Variants in LIMCH1 observed in about 807,000 individuals in gnomAD.
The protein encoded by LIMCH1 is LIM and calponin homology domains 1, also known as LIM and calponin homology domains-containing protein 1.
LIMCH1 carries 113 observed loss-of-function variants against 176.5 expected under a neutral mutation model. The observed-to-expected ratio is 0.64, with a 90% confidence interval of 0.55 to 0.75. The LOEUF is 0.75. LIMCH1 is among the 30% of genes least tolerant of loss of function. The probability of loss-of-function intolerance (pLI) is 0.00; values close to 1 mark genes in which losing one functional copy is unlikely to be tolerated. For synonymous variants in LIMCH1, 619 were observed against 645.9 expected, an observed-to-expected ratio of 0.96 and a Z score of 0.63; for missense variants, 1,674 against 1,814.9, an observed-to-expected ratio of 0.92 and a Z score of 1.41.
chr4:41,680,920 T>C (rs2153044630), intron 24 of LIMCH1, 35 bp from the exon 25 acceptor site: 2 of 1,151,814 alleles, frequency 1.7e-6, no homozygotes, highest in East Asian at 2.4e-5. Flanking sequence ...ATTTTTATTT[T>C]CCCCCCTTTC....
At chr4:41,671,884 C>CAAAAA (rs34994833) in intron 22 of LIMCH1, among the ~76,000 whole-genome samples, 6 of 52,322 alleles carry the variant, frequency 1.1e-4, no homozygotes, top group African/African-American at 2.3e-4. Flanking sequence ...GACTTCGTCT[C>CAAAAA]AAAAAAAAAA....
intron 21 of LIMCH1, chr4:41,671,005 A>G: frequency 1.0e-6 from 1 of 978,266 alleles, no homozygotes; most frequent in Non-Finnish European, 1.2e-6. Flanking sequence ...TGTTGATTTC[A>G]AGAATTCAAA....
chr4:41,568,360 A>T (rs570655142), intron 1 of LIMCH1, among the ~76,000 whole-genome samples: 1 of 152,358 alleles, frequency 6.6e-6, no homozygotes, highest in South Asian at 2.1e-4. Flanking sequence ...GTCCAGCTTC[A>T]GGAGAGCCAA....
intron 17 of LIMCH1, 62 bp downstream of exon 17, chr4:41,646,955 C>A: frequency 7.2e-7 from 1 of 1,387,118 alleles, no homozygotes; most frequent in Non-Finnish European, 9.9e-7. Flanking sequence ...TGGAAAGAAG[C>A]ATCATGACTC....
At chr4:41,462,221 G>C (rs2065475261) in intron 1 of LIMCH1, among the ~76,000 whole-genome samples, 1 of 152,126 alleles carries the variant, frequency 6.6e-6, no homozygotes, top group Admixed American at 6.5e-5. Flanking sequence ...TCTGTGTATT[G>C]GTCCTAGAAT....
chr4:41,577,813 C>G (rs949884469), intron 1 of LIMCH1, among the ~76,000 whole-genome samples: 3 of 152,112 alleles, frequency 2.0e-5, no homozygotes, highest in Non-Finnish European at 2.9e-5. Context: ...TATTTTAATG[C>G]CTAACATAAG....
intron 2 of LIMCH1, among the ~76,000 whole-genome samples, chr4:41,515,173 A>T (rs2075419963): frequency 6.6e-6 from 1 of 152,220 alleles, no homozygotes; most frequent in Non-Finnish European, 1.5e-5. Context: ...AAAGAGTTAA[A>T]GCCCAATTTT....
intron 1 of LIMCH1, among the ~76,000 whole-genome samples, chr4:41,377,940 C>T (rs571446325): frequency 5.3e-5 from 8 of 152,210 alleles, no homozygotes; most frequent in Non-Finnish European, 1.0e-4. Context: ...CCCAAAGGTT[C>T]TATTTTTCAA....
At chr4:41,462,812 T>C (rs1169597195) in intron 1 of LIMCH1, among the ~76,000 whole-genome samples, 3 of 152,108 alleles carry the variant, frequency 2.0e-5, no homozygotes, top group Non-Finnish European at 4.4e-5. Context: ...CCCCCAAAAG[T>C]AACACAGCTG....
chr4:41,566,239 T>C (rs894576407), intron 1 of LIMCH1, among the ~76,000 whole-genome samples: 4 of 152,064 alleles, frequency 2.6e-5, no homozygotes, highest in Admixed American at 2.0e-4. Context: ...ATTTTGAGCC[T>C]CCCCCAAGAA....
rs1301220833 is a variant in LIMCH1 at position 41,657,314 on chromosome 4, G to A, written c.3037-4106G>A. ...GAAAACACATTTTTCCATCAAGGCG[G>A]GTTTGTTTGAAGCAAACCGCTGAGT... On this transcript the variant is annotated intron_variant, in intron 18 of 31. Coordinates refer to ENST00000503057, the MANE Select transcript of LIMCH1 (RefSeq NM_001330672.2). 2.0e-5 allele frequency among the ~76,000 whole-genome samples: 3 copies of A among 152,310 alleles called. No individual in the cohort carries two copies. In the East Asian group the frequency reaches 5.8e-4, roughly 29 times the overall value.
At chr4:41,491,497 CAG>C (rs750903277) in intron 1 of LIMCH1, among the ~76,000 whole-genome samples, 1 of 140,356 alleles carries the variant, frequency 7.1e-6, no homozygotes, top group Non-Finnish European at 1.5e-5. Flanking sequence ...ACTTCCCAGA[CAG>C]AGTGGCCAGG....
intron 1 of LIMCH1, among the ~76,000 whole-genome samples, chr4:41,586,860 A>G (rs533881474): frequency 3.9e-5 from 6 of 152,206 alleles, no homozygotes; most frequent in Non-Finnish European, 8.8e-5. Flanking sequence ...GGAATCCAGA[A>G]AGAGATAAAA....
chr4:41,368,278 G>T (rs1430841393), intron 1 of LIMCH1, among the ~76,000 whole-genome samples: 1 of 152,192 alleles, frequency 6.6e-6, no homozygotes, highest in Non-Finnish European at 1.5e-5. Context: ...GTGAAAGTGT[G>T]CTTTCAAAAA....
intron 1 of LIMCH1, among the ~76,000 whole-genome samples, chr4:41,559,562 C>T (rs1197653232): frequency 6.6e-6 from 1 of 152,064 alleles, no homozygotes; most frequent in Admixed American, 6.6e-5. Context: ...AGGTGCAACT[C>T]GTTGCAAAAA....
chr4:41,646,614 G>T lies in LIMCH1; in HGVS notation c.2541G>T (p.Met847Ile). Residue 847 changes from methionine to isoleucine, a missense_variant, in exon 17 of 32, where the codon ATG (methionine) becomes ATT (isoleucine). This residue lies in a region of LIMCH1 where 1,015 missense variants were observed against 1,102.5 expected (regional missense o/e 0.92). Transcript: ENST00000503057. The part of the protein sequence containing the change: ...ISEAVLERLE[M>I]PKILERSHST... ...AGGCTGTTCTCGAACGCTTGGAGAT[G>T]CCAAAAATTCTGGAAAGAAGCCATT... 6.2e-7 allele frequency: 1 copy of T among 1,614,176 alleles called. No homozygotes were observed.
At chr4:41,410,393 C>G (rs1377161626) in intron 1 of LIMCH1, among the ~76,000 whole-genome samples, 9 of 152,170 alleles carry the variant, frequency 5.9e-5, no homozygotes, top group African/African-American at 2.2e-4. Flanking sequence ...AAGATTTGCA[C>G]TCCTCTCAGT....
intron 2 of LIMCH1, among the ~76,000 whole-genome samples, chr4:41,516,198 G>T (rs551991327): frequency 1.3e-5 from 2 of 152,172 alleles, no homozygotes; most frequent in Non-Finnish European, 2.9e-5. Flanking sequence ...GATTGGGCTT[G>T]ATTACCAGGT....
At chr4:41,488,501 A>G (rs2154171693) in intron 1 of LIMCH1, among the ~76,000 whole-genome samples, 1 of 152,336 alleles carries the variant, frequency 6.6e-6, no homozygotes, top group East Asian at 1.9e-4. Context: ...CTCAAATAAG[A>G]ATGAGAGGAT....
Sources: allele counts gnomAD v4.1 joint callset (sites outside exome capture counted in the v4.1 genomes callset), GRCh38; gene constraint gnomAD v4.1.1; regional missense constraint gnomAD v4.1.1; transcripts MANE v1.5; gene names NCBI Gene and HGNC (gene_info 2026-07-23, HGNC 2026-07-21).